YWHAH: variants seen among roughly 807,000 people sequenced by gnomAD.
The protein encoded by YWHAH is tyrosine 3-monooxygenase/tryptophan 5-monooxygenase activation protein eta, also known as 14-3-3 protein eta.
YWHAH carries 6 observed loss-of-function variants against 22.9 expected under a neutral mutation model. The ratio of observed to expected loss-of-function variants is 0.26; its 90% CI spans 0.14 to 0.52. The LOEUF (loss-of-function observed/expected upper bound fraction) is 0.52. Ranked by LOEUF, YWHAH falls within the 20% of genes least tolerant of loss-of-function variation. The pLI is 0.97. For synonymous variants in YWHAH, 135 were observed against 124.5 expected (o/e 1.08, Z -0.56); for missense variants, 173 against 308.6 (o/e 0.56, Z 3.29).
intron 1 of YWHAH, chr22:31,945,519 CTT>C: frequency 1.5e-6 from 2 of 1,304,136 alleles, no homozygotes; most frequent in Non-Finnish European, 2.0e-6. Context: ...ATCTGTGTGT[CTT>C]TGCATTCCTG....
intron 1 of YWHAH, chr22:31,950,387 C>T (rs760871852): frequency 1.3e-6 from 1 of 779,578 alleles, no homozygotes; most frequent in Admixed American, 1.7e-5. Context: ...CCTCCCGCCC[C>T]TACTCCTGGC....
chr22:31,952,259 C>A (rs1044107940), intron 1 of YWHAH, among the ~76,000 whole-genome samples: 3 of 152,166 alleles, frequency 2.0e-5, no homozygotes, highest in Non-Finnish European at 4.4e-5. Context: ...TGTGTTGCCA[C>A]CCGGTGTTTG....
rs531543027 is a variant in YWHAH at position 31,945,284 on chromosome 22, C to G, written c.87+464C>G. 1.8e-5 allele frequency: 21 copies of G among 1,175,248 alleles called. No individual in the cohort carries two copies. The East Asian group carries it at 6.6e-4, about 37-fold the overall frequency. The allele number at this position is 1,175,248 out of a possible 1,614,324, so 72.8% of individuals were successfully genotyped here. A position where few individuals can be genotyped will look rare whatever the true frequency, so the allele number is the denominator to read the frequency against. On this transcript the variant is annotated intron_variant, in intron 1 of 1. Transcript: ENST00000248975. ...GGTTTTCTCTGCCACGACCTGAAGT[C>G]TGCAATTCCGATCTGTTTTGCTCTG...
chr22:31,953,364 A>G (rs896929913), intron 1 of YWHAH, among the ~76,000 whole-genome samples: 1 of 152,184 alleles, frequency 6.6e-6, no homozygotes, highest in Non-Finnish European at 1.5e-5. Flanking sequence ...TGGAATTTTG[A>G]TTCAGAAGTG....
At chr22:31,950,374 G>A (rs999752103) in intron 1 of YWHAH, 4 of 779,216 alleles carry the variant, frequency 5.1e-6, no homozygotes, top group Non-Finnish European at 9.6e-6. Flanking sequence ...GCATTTTGGT[G>A]CTCCTCCCGC....
chr22:31,956,834 C>T lies in YWHAH; in HGVS notation c.*42C>T, dbSNP rs1311125330. ...CTGGCCCTTCCTTCACCCACCACCC[C>T]CATCATCACCGATTCTTCCTTGCCA... On this transcript the variant is annotated 3_prime_UTR_variant, in exon 2 of 2. Coordinates refer to ENST00000248975, the MANE Select transcript of YWHAH (RefSeq NM_003405.4). This position sits in a 1 kb window ranked among gnomAD's most constrained non-coding sequence, Gnocchi z 5.1. 5 of 1,514,184 alleles carry T rather than the reference C, an allele frequency of 3.3e-6. No homozygotes were observed. Among genetic ancestry groups the T allele is most frequent in the Non-Finnish European group, 4.4e-6 (5 of 1,131,228 alleles). The allele number at this position is 1,514,184 out of a possible 1,614,324, so 93.8% of individuals were successfully genotyped here.
rs2093850761 is a variant in YWHAH at position 31,957,239 on chromosome 22, G to GTTAA, written c.*448_*451dup. 3 of 159,678 alleles carry GTTAA rather than the reference G, an allele frequency of 1.9e-5. No homozygotes were observed. Among genetic ancestry groups the GTTAA allele is most frequent in the Admixed American group, 1.8e-4 (3 of 16,914 alleles). 9.9% of individuals were successfully genotyped at this position (159,678 alleles called of 1,614,324 possible). On this transcript the variant is annotated 3_prime_UTR_variant, in exon 2 of 2. Transcript: ENST00000248975. ...CTCTTTCTTCAATTAATGGAAAACT[G>GTTAA]TTAAGGGAAGCTGATACAGAGAGAC...
At chr22:31,945,632 G>A (rs2093833093) in intron 1 of YWHAH, 1 of 1,294,042 alleles carries the variant, frequency 7.7e-7, no homozygotes, top group Non-Finnish European at 1.0e-6. Context: ...GCATTTCTGA[G>A]TTCCGGTTAC....
At chr22:31,955,035 A>T (rs2149468682) in intron 1 of YWHAH, among the ~76,000 whole-genome samples, 1 of 152,318 alleles carries the variant, frequency 6.6e-6, no homozygotes, top group East Asian at 1.9e-4. Context: ...AAGCTTGTGA[A>T]ATTTAACTCT....
Position 31,956,514 on chromosome 22 carries a change from A to C in YWHAH, c.463A>C (p.Lys155Gln). The C allele has an allele frequency of 3.7e-6, 6 of 1,614,224 alleles. No individual in the cohort carries two copies. The highest frequency in any genetic ancestry group is 5.1e-6 in the Non-Finnish European group (6 of 1,180,042). Residue 155 changes from lysine to glutamine, a missense_variant, in exon 2 of 2, where the codon AAG (lysine) becomes CAG (glutamine). By Grantham distance (53) the Lys-to-Gln change is moderately conservative (BLOSUM62 1). Transcript: ENST00000248975. The surrounding 1 kb of genome is among the most constrained non-coding windows in gnomAD (Gnocchi z 5.1). ...SVVEASEAAY[K>Q]EAFEISKEQM... ...GGTCGAAGCTTCTGAAGCTGCCTAC[A>C]AGGAAGCCTTTGAAATCAGCAAAGA...
chr22:31,956,902 C>T lies in YWHAH; in HGVS notation c.*110C>T. 1 of 1,311,952 alleles carries T rather than the reference C, an allele frequency of 7.6e-7. No individual in the cohort carries two copies. Among genetic ancestry groups the T allele is most frequent in the Non-Finnish European group, 1.0e-6 (1 of 980,764 alleles). The allele number at this position is 1,311,952 out of a possible 1,614,324, so 81.3% of individuals were successfully genotyped here. ...GTGCTAAACCTATCTGTATTGGCAGCACAGCTACTCAGATCTGCACTCCTG... is the reference window on the plus strand; with the variant it reads ...GTGCTAAACCTATCTGTATTGGCAGTACAGCTACTCAGATCTGCACTCCTG... On this transcript the variant is annotated 3_prime_UTR_variant, in exon 2 of 2. Coordinates refer to ENST00000248975, the MANE Select transcript of YWHAH (RefSeq NM_003405.4). This position sits in a 1 kb window ranked among gnomAD's most constrained non-coding sequence, Gnocchi z 5.1.
Position 31,951,137 on chromosome 22 carries a change from G to A in YWHAH, c.88-5002G>A, listed in dbSNP as rs370065566. 7.9e-5 allele frequency among the ~76,000 whole-genome samples: 12 copies of A among 152,112 alleles called. 1 individual carries two copies. In the East Asian group the frequency reaches 1.7e-3, roughly 22 times the overall value. ...CGTACTCCCTGGCCTCAAGTGATCCGCCTGCCTTGGCCTCCCAAAGTGCTG... is the reference window on the plus strand; with the variant it reads ...CGTACTCCCTGGCCTCAAGTGATCCACCTGCCTTGGCCTCCCAAAGTGCTG... On this transcript the variant is annotated intron_variant, in intron 1 of 1. Transcript: ENST00000248975.
chr22:31,948,447 C>T (rs542239132), intron 1 of YWHAH, among the ~76,000 whole-genome samples: 1 of 151,134 alleles, frequency 6.6e-6, no homozygotes, highest in East Asian at 1.9e-4. Flanking sequence ...GGAGTGCAGT[C>T]GTGGCACGAT....
chr22:31,954,288 C>A (rs147025932), intron 1 of YWHAH, among the ~76,000 whole-genome samples: 3 of 152,118 alleles, frequency 2.0e-5, no homozygotes, highest in African/African-American at 7.2e-5. Flanking sequence ...AAATTAAAGA[C>A]CTTTTGGATA....
In YWHAH at chr22:31,956,384, C is replaced by T; in HGVS notation, c.333C>T (p.Asn111=). 6.2e-7 allele frequency: 1 copy of T among 1,614,166 alleles called. No individual in the cohort carries two copies. Among genetic ancestry groups the T allele is most frequent in the Non-Finnish European group, 8.5e-7 (1 of 1,180,052 alleles). The part of the protein sequence containing the change: ...LSLLDKFLIK[N]CNDFQYESKV... Reference sequence around the variant, plus strand: ...TGCTTGACAAGTTCCTGATCAAGAACTGCAATGATTTCCAGTATGAGAGCA... The same window carrying T: ...TGCTTGACAAGTTCCTGATCAAGAATTGCAATGATTTCCAGTATGAGAGCA... The change falls in exon 2 of 2, where the codon AAC becomes AAT. Residue 111 remains asparagine (N), a synonymous_variant. Coordinates refer to ENST00000248975, the MANE Select transcript of YWHAH (RefSeq NM_003405.4). The surrounding 1 kb of genome is among the most constrained non-coding windows in gnomAD (Gnocchi z 5.1).
At chr22:31,949,510 T>G (rs2093839994) in intron 1 of YWHAH, among the ~76,000 whole-genome samples, 1 of 150,830 alleles carries the variant, frequency 6.6e-6, no homozygotes, top group Non-Finnish European at 1.5e-5. Context: ...CTTTTTTTTT[T>G]GGTGGGGGGG....
At chr22:31,952,513 T>C (rs1246322472) in intron 1 of YWHAH, among the ~76,000 whole-genome samples, 1 of 152,234 alleles carries the variant, frequency 6.6e-6, no homozygotes, top group Non-Finnish European at 1.5e-5. Flanking sequence ...TTTTGTTAAC[T>C]GAATTATAAC....
At chr22:31,953,074 T>C (rs1015785669) in intron 1 of YWHAH, among the ~76,000 whole-genome samples, 1 of 152,242 alleles carries the variant, frequency 6.6e-6, no homozygotes, top group African/African-American at 2.4e-5. Flanking sequence ...ATTTCAGATT[T>C]GTACTCACTT....
chr22:31,956,887 T>C lies in YWHAH; in HGVS notation c.*95T>C, dbSNP rs758539087. On this transcript the variant is annotated 3_prime_UTR_variant, in exon 2 of 2. Coordinates refer to ENST00000248975, the MANE Select transcript of YWHAH (RefSeq NM_003405.4). This position sits in a 1 kb window ranked among gnomAD's most constrained non-coding sequence, Gnocchi z 5.1. ...ATCACTAAATATCTAGTGCTAAACCTATCTGTATTGGCAGCACAGCTACTC... is the reference window on the plus strand; with the variant it reads ...ATCACTAAATATCTAGTGCTAAACCCATCTGTATTGGCAGCACAGCTACTC... 7.1e-7 allele frequency: 1 copy of C among 1,403,056 alleles called. No homozygotes were observed. Among genetic ancestry groups the C allele is most frequent in the Non-Finnish European group, 9.5e-7 (1 of 1,057,792 alleles). The allele number at this position is 1,403,056 out of a possible 1,614,324, so 86.9% of individuals were successfully genotyped here. A position where few individuals can be genotyped will look rare whatever the true frequency, so the allele number is the denominator to read the frequency against.
Sources: gnomAD v4.1 joint callset for allele counts (sites outside exome capture counted in the v4.1 genomes callset) on GRCh38, gnomAD v4.1.1 for gene constraint, Gnocchi (gnomAD v3.1) non-coding constraint, MANE v1.5 for transcripts, NCBI Gene and HGNC (gene_info 2026-07-23, HGNC 2026-07-21) for gene names.